The following PPFIA2 variants were observed in gnomAD, a reference collection of about 807,000 sequenced individuals.
The protein encoded by PPFIA2 is PPFI scaffold protein A2.
A neutral mutation model predicts 175.5 loss-of-function variants in PPFIA2; 46 were observed. That is an observed-to-expected ratio of 0.26 (90% confidence interval 0.21 to 0.34). The LOEUF is 0.34. Among genes scored for constraint, PPFIA2 ranks in the 10% least tolerant of loss-of-function variants. The pLI, the probability that PPFIA2 is intolerant of heterozygous loss-of-function variation, is 1.00. For missense variants in PPFIA2, 1,179 were observed against 1,506.1 expected (o/e 0.78, Z 3.60); for synonymous variants, 568 against 511.4 (o/e 1.11, Z -1.49).
chr12:81,302,734 A>T (rs1032583231), intron 22 of PPFIA2: 2 of 447,214 alleles, frequency 4.5e-6, no homozygotes, highest in Non-Finnish European at 9.0e-6. Context: ...AAAGAACAGC[A>T]TTGAAATTTA....
intron 17 of PPFIA2, among the ~76,000 whole-genome samples, chr12:81,351,819 T>C (rs2060055165): frequency 6.6e-6 from 1 of 151,660 alleles, no homozygotes; most frequent in Non-Finnish European, 1.5e-5. Flanking sequence ...GTGGGAGAAT[T>C]GCTTGAGACT....
chr12:81,372,019 T>TG (rs1347238395), intron 11 of PPFIA2, among the ~76,000 whole-genome samples: 1 of 151,602 alleles, frequency 6.6e-6, no homozygotes, highest in East Asian at 1.9e-4. Flanking sequence ...TAATATATAC[T>TG]GGGACCAATT....
At chr12:81,608,516 T>A (rs1430816760) in intron 4 of PPFIA2, among the ~76,000 whole-genome samples, 5 of 152,116 alleles carry the variant, frequency 3.3e-5, no homozygotes, top group African/African-American at 1.2e-4. Flanking sequence ...CCTGATTCAA[T>A]CTTGGGAAAT....
At chr12:81,587,357 T>C (rs11114923) in intron 4 of PPFIA2, among the ~76,000 whole-genome samples, 10,211 of 152,014 alleles carry the variant, frequency 0.067, 573 homozygotes, top group East Asian at 0.31. Flanking sequence ...CTCTCTTGCC[T>C]GCCACTTGTA....
At chr12:81,569,945 A>AC (rs2072166781) in intron 4 of PPFIA2, among the ~76,000 whole-genome samples, 1 of 152,150 alleles carries the variant, frequency 6.6e-6, no homozygotes, top group Admixed American at 6.5e-5. Flanking sequence ...CACAATTTAA[A>AC]CCCCAAGTTT....
intron 7 of PPFIA2, among the ~76,000 whole-genome samples, chr12:81,418,123 A>AAAT (rs2045637196): frequency 6.6e-6 from 1 of 151,862 alleles, no homozygotes; most frequent in Non-Finnish European, 1.5e-5. Context: ...AAGAAAAAGG[A>AAAT]AATTGCCTAT....
intron 4 of PPFIA2, among the ~76,000 whole-genome samples, chr12:81,536,473 A>G (rs2153317578): frequency 6.6e-6 from 1 of 151,464 alleles, no homozygotes; most frequent in South Asian, 2.1e-4. Flanking sequence ...AAAGACAAGT[A>G]TTGTTTCCCC....
At chr12:81,578,895 C>A (rs2073999117) in intron 4 of PPFIA2, among the ~76,000 whole-genome samples, 1 of 151,854 alleles carries the variant, frequency 6.6e-6, no homozygotes, top group African/African-American at 2.4e-5. Flanking sequence ...TTAAATGAAG[C>A]ACAAAGTACA....
chr12:81,725,527 A>C (rs1000320195), intron 3 of PPFIA2, among the ~76,000 whole-genome samples: 4 of 150,952 alleles, frequency 2.6e-5, no homozygotes, highest in African/African-American at 9.7e-5. Context: ...TCTCAGGAAA[A>C]AATTAGGGTC....
intron 4 of PPFIA2, among the ~76,000 whole-genome samples, chr12:81,543,834 T>C (rs1334175673): frequency 6.6e-6 from 1 of 152,154 alleles, no homozygotes; most frequent in African/African-American, 2.4e-5. Context: ...TCTGTGGTCT[T>C]CTTCCCCAAA....
intron 7 of PPFIA2, among the ~76,000 whole-genome samples, chr12:81,423,742 C>A (rs1475367599): frequency 6.6e-6 from 1 of 152,004 alleles, no homozygotes; most frequent in African/African-American, 2.4e-5. Flanking sequence ...AAGTCCTAGC[C>A]ATAGCAATTA....
At chr12:81,410,087 G>A (rs1021892005) in intron 7 of PPFIA2, among the ~76,000 whole-genome samples, 1 of 152,102 alleles carries the variant, frequency 6.6e-6, no homozygotes, top group East Asian at 1.9e-4. Context: ...TGCCATGTGA[G>A]GACGCATTGT....
intron 4 of PPFIA2, among the ~76,000 whole-genome samples, chr12:81,470,710 C>A (rs897681781): frequency 9.9e-5 from 15 of 152,116 alleles, no homozygotes; most frequent in Non-Finnish European, 1.5e-5. Context: ...AATGCATATA[C>A]TTTTTTGTTG....
At chr12:81,261,743 T>C (rs1048345892) in intron 32 of PPFIA2, among the ~76,000 whole-genome samples, 1 of 152,176 alleles carries the variant, frequency 6.6e-6, no homozygotes, top group Non-Finnish European at 1.5e-5. Context: ...AGGCAGACCT[T>C]AAACCACAGG....
chr12:81,364,863 TGAAA>T (rs921603220), intron 14 of PPFIA2, among the ~76,000 whole-genome samples: 1 of 151,758 alleles, frequency 6.6e-6, no homozygotes, highest in Non-Finnish European at 1.5e-5. Flanking sequence ...CCTGAGTAAC[TGAAA>T]GAAAGAAAGA....
Position 81,493,787 on chromosome 12 carries a change from T to TATATATATAC in PPFIA2, c.304-35922_304-35921insGTATATATAT, listed in dbSNP as rs1491517743. On this transcript the variant is annotated intron_variant, in intron 4 of 32. Transcript: ENST00000549396. ...ATATATATATATATATATATATATA[T>TATATATATAC]ACACATTGGAAAAAATAACAGCATT... 3.9e-3 allele frequency among the ~76,000 whole-genome samples: 502 copies of TATATATATAC among 128,206 alleles called. 2 individuals carry two copies. The highest frequency in any genetic ancestry group is 7.9e-3 in the Middle Eastern group (2 of 254). 84.1% of individuals were successfully genotyped at this position (128,206 alleles called of 152,430 possible).
chr12:81,383,993 CAA>C, intron 9 of PPFIA2, 28 bp downstream of exon 9: 2 of 1,535,964 alleles, frequency 1.3e-6, no homozygotes, highest in Middle Eastern at 1.7e-4. Flanking sequence ...ATTCAGAAAT[CAA>C]AGACTGAAAG....
At chr12:81,496,449 G>GA (rs2060036074) in intron 4 of PPFIA2, among the ~76,000 whole-genome samples, 1 of 152,176 alleles carries the variant, frequency 6.6e-6, no homozygotes, top group Non-Finnish European at 1.5e-5. Context: ...TATAATAGGA[G>GA]AAAGTCCTCA....
chr12:81,618,206 T>C (rs1017924200), intron 4 of PPFIA2, among the ~76,000 whole-genome samples: 42 of 152,132 alleles, frequency 2.8e-4, no homozygotes, highest in Non-Finnish European at 7.4e-5. Flanking sequence ...CTCTCTACTT[T>C]CTTAATCAGC....
Sources: allele counts gnomAD v4.1 joint callset (sites outside exome capture counted in the v4.1 genomes callset), GRCh38; gene constraint gnomAD v4.1.1; transcripts MANE v1.5; gene names NCBI Gene and HGNC (gene_info 2026-07-23, HGNC 2026-07-21).